HPCAL1: variants seen among roughly 807,000 people sequenced by gnomAD.
HPCAL1 encodes the protein hippocalcin like 1.
A neutral mutation model predicts 17.1 loss-of-function variants in HPCAL1; 8 were observed. The observed-to-expected ratio is 0.47, with a 90% CI of 0.27 to 0.84. The LOEUF is 0.84. Among genes scored for constraint, HPCAL1 ranks in the 40% least tolerant of loss-of-function variants. The pLI, the probability that HPCAL1 is intolerant of heterozygous loss-of-function variation, is 0.13. For missense variants in HPCAL1, 165 were observed against 271.1 expected, an observed-to-expected ratio of 0.61 and a Z score of 2.75; for synonymous variants, 112 against 111.4, an observed-to-expected ratio of 1.01 and a Z score of -0.03.
At chr2:10,390,580 T>G (rs753900283) in intron 1 of HPCAL1, among the ~76,000 whole-genome samples, 3 of 152,124 alleles carry the variant, frequency 2.0e-5, no homozygotes, top group African/African-American at 4.8e-5. Context: ...TTAAAATAAT[T>G]TGTCATCTCT....
chr2:10,415,898 C>T (rs1233882854), intron 2 of HPCAL1, among the ~76,000 whole-genome samples: 4 of 152,344 alleles, frequency 2.6e-5, no homozygotes, highest in Admixed American at 6.5e-5. Flanking sequence ...ATGGGCTCTG[C>T]GTGTGTACGT....
rs1369504574 is a variant in HPCAL1, at chr2:10,324,815, T to G, written c.-111+21638T>G. Among the ~76,000 whole-genome samples, 3 of 118,082 alleles carry G rather than the reference T, an allele frequency of 2.5e-5. No homozygotes were observed. The Admixed American group carries it at 3.1e-4, about 12-fold the overall frequency. 77.5% of individuals were successfully genotyped at this position (118,082 alleles called of 152,430 possible). Reference sequence around the variant, plus strand: ...GCAATATTGGGTTTGCTGGTTTTTGTGTTTTTTTTTTTTTTTTTTTTTTTT... The same window carrying G: ...GCAATATTGGGTTTGCTGGTTTTTGGGTTTTTTTTTTTTTTTTTTTTTTTT... On this transcript the variant is annotated intron_variant, in intron 1 of 4. Coordinates refer to ENST00000307845, the MANE Select transcript of HPCAL1 (RefSeq NM_002149.4).
At chr2:10,328,530 A>G (rs1664152066) in intron 1 of HPCAL1, among the ~76,000 whole-genome samples, 2 of 152,154 alleles carry the variant, frequency 1.3e-5, no homozygotes, top group African/African-American at 4.8e-5. Flanking sequence ...CCCAGCTAGA[A>G]CAAAAATGTA....
At chr2:10,421,023 G>T (rs1671031513) in intron 3 of HPCAL1, among the ~76,000 whole-genome samples, 1 of 152,166 alleles carries the variant, frequency 6.6e-6, no homozygotes, top group African/African-American at 2.4e-5. Flanking sequence ...CTCCCAAAGT[G>T]CTAGGATTAC....
At chr2:10,426,414 G>A (rs936759671) in intron 4 of HPCAL1, 6 of 353,360 alleles carry the variant, frequency 1.7e-5, no homozygotes, top group South Asian at 2.7e-5. Context: ...CAGTGTACAC[G>A]TTCCTTAATA....
intron 1 of HPCAL1, among the ~76,000 whole-genome samples, chr2:10,360,147 C>T (rs1415659870): frequency 1.3e-5 from 2 of 152,128 alleles, no homozygotes; most frequent in African/African-American, 4.8e-5. Context: ...TGTCGGGTGA[C>T]TCTGCTGCGG....
chr2:10,418,458 A>C (rs1012256031), intron 2 of HPCAL1, among the ~76,000 whole-genome samples: 11 of 150,554 alleles, frequency 7.3e-5, no homozygotes, highest in Non-Finnish European at 1.5e-4. Context: ...AAAAAAAAAA[A>C]AAAAAAAAAA....
intron 2 of HPCAL1, among the ~76,000 whole-genome samples, chr2:10,398,631 G>A (rs1044189730): frequency 3.3e-5 from 5 of 152,086 alleles, no homozygotes; most frequent in African/African-American, 1.2e-4. Context: ...ACCAACGCAC[G>A]CACGTGGTGT....
At chr2:10,313,360 C>T (rs544129085) in intron 1 of HPCAL1, among the ~76,000 whole-genome samples, 2 of 152,280 alleles carry the variant, frequency 1.3e-5, no homozygotes, top group Non-Finnish European at 2.9e-5. Context: ...GGGCACAGAG[C>T]CTGGAACACA....
intron 1 of HPCAL1, among the ~76,000 whole-genome samples, chr2:10,371,193 G>T (rs16856158): frequency 6.6e-6 from 1 of 152,138 alleles, no homozygotes; most frequent in East Asian, 1.9e-4. Flanking sequence ...GTCATTTGCA[G>T]TTTGGGTTAG....
intron 1 of HPCAL1, among the ~76,000 whole-genome samples, chr2:10,358,597 A>G (rs548987685): frequency 6.6e-6 from 1 of 152,320 alleles, no homozygotes; most frequent in African/African-American, 2.4e-5. Flanking sequence ...GGAAGAAGAC[A>G]CACGTGGCTG....
intron 2 of HPCAL1, among the ~76,000 whole-genome samples, chr2:10,411,878 A>G (rs919123591): frequency 6.6e-6 from 1 of 152,080 alleles, no homozygotes; most frequent in Admixed American, 6.5e-5. Context: ...CAACTCACCC[A>G]TCTTCTGTGG....
At position 10,365,420 on chromosome 2, in the gene HPCAL1, T is replaced by G. The variant is rs1358587046; in HGVS notation, c.-110-31415T>G. ...GATGGGCAGACGAGGTGCCAGCTATTTGAACGGACAGCCCGGAGTCTGTGC... is the reference window on the plus strand; with the variant it reads ...GATGGGCAGACGAGGTGCCAGCTATGTGAACGGACAGCCCGGAGTCTGTGC... On this transcript the variant is annotated intron_variant, in intron 1 of 4. Transcript: ENST00000307845. The surrounding 1 kb of genome is among the most constrained non-coding windows in gnomAD (Gnocchi z 4.8). 6.6e-6 allele frequency among the ~76,000 whole-genome samples: 1 copy of G among 152,126 alleles called. No homozygotes were observed. The highest frequency in any genetic ancestry group is 2.4e-5 in the African/African-American group (1 of 41,426).
chr2:10,388,410 C>T (rs1668467253), intron 1 of HPCAL1, among the ~76,000 whole-genome samples: 1 of 152,192 alleles, frequency 6.6e-6, no homozygotes, highest in Admixed American at 6.5e-5. Flanking sequence ...TGTTAGTGAG[C>T]AGTGAGCTGT....
In HPCAL1 at chr2:10,320,654, G is replaced by T. The variant is rs1663618361; in HGVS notation, c.-111+17477G>T. Among the ~76,000 whole-genome samples the T allele has an allele frequency of 2.0e-5, 3 of 152,250 alleles. No individual in the cohort carries two copies. In the South Asian group the frequency reaches 6.2e-4, roughly 31 times the overall value. ...GTTTGGGAGCCTCTGTTTAAGCAGA[G>T]ACCGGGCCTGGAGAGAGAATCCCTG... On this transcript the variant is annotated intron_variant, in intron 1 of 4. Transcript: ENST00000307845.
chr2:10,316,799 T>C (rs544504619), intron 1 of HPCAL1, among the ~76,000 whole-genome samples: 1 of 152,352 alleles, frequency 6.6e-6, no homozygotes, highest in Admixed American at 6.5e-5. Context: ...TGCTGTTTCT[T>C]GGATTAGATA....
intron 1 of HPCAL1, among the ~76,000 whole-genome samples, chr2:10,380,281 G>C (rs1667855511): frequency 6.6e-6 from 1 of 152,212 alleles, no homozygotes; most frequent in Non-Finnish European, 1.5e-5. Context: ...TGGCAAATAA[G>C]CCACATGTAT....
chr2:10,412,957 C>T (rs373462259), intron 2 of HPCAL1, among the ~76,000 whole-genome samples: 1 of 151,884 alleles, frequency 6.6e-6, no homozygotes, highest in South Asian at 2.1e-4. Flanking sequence ...CAAAAGGAAG[C>T]GGCAAAGGTA....
intron 1 of HPCAL1, among the ~76,000 whole-genome samples, chr2:10,350,036 C>T (rs979540148): frequency 1.3e-5 from 2 of 152,188 alleles, no homozygotes; most frequent in Non-Finnish European, 1.5e-5. Context: ...CCATCTTCCC[C>T]CAAACATTCA....
Sources: allele counts gnomAD v4.1 joint callset (sites outside exome capture counted in the v4.1 genomes callset), GRCh38; gene constraint gnomAD v4.1.1; non-coding constraint Gnocchi (gnomAD v3.1); transcripts MANE v1.5; gene names NCBI Gene and HGNC (gene_info 2026-07-23, HGNC 2026-07-21).